CDKL1: variants seen among roughly 807,000 people sequenced by gnomAD.
The protein encoded by CDKL1 is cyclin-dependent kinase-like 1.
A neutral mutation model predicts 42.0 loss-of-function variants in CDKL1; 41 were observed. The observed-to-expected ratio is 0.98, with a 90% CI of 0.76 to 1.27. CDKL1 has a LOEUF of 1.27. CDKL1 is among the 50% of genes most tolerant of loss of function. The probability of loss-of-function intolerance (pLI) is 0.00; values close to 1 mark genes in which losing one functional copy is unlikely to be tolerated. For synonymous variants in CDKL1, 153 were observed against 158.6 expected (o/e 0.96, Z 0.26); for missense variants, 394 against 428.4 (o/e 0.92, Z 0.71).
intron 2 of CDKL1, among the ~76,000 whole-genome samples, chr14:50,391,540 G>A (rs907844681): frequency 6.6e-6 from 1 of 152,060 alleles, no homozygotes; most frequent in Non-Finnish European, 1.5e-5. Context: ...CTGACACCAC[G>A]CTTGCCTAGT....
rs1221295614 is a variant in CDKL1, at chr14:50,326,333, C to T, written c.*3741G>A. ...TCTCTTGATGTAGATATTTAGAATC[C>T]TTTAAAGTTATTTGTACAACAGATG... On this transcript the variant is annotated 3_prime_UTR_variant, in exon 10 of 10. Coordinates refer to ENST00000395834, the MANE Select transcript of CDKL1 (RefSeq NM_004196.7). 8 of 748,854 alleles carry T rather than the reference C, an allele frequency of 1.1e-5. No individual in the cohort carries two copies. The highest frequency in any genetic ancestry group is 1.1e-5 in the Non-Finnish European group (7 of 614,668). 46.4% of individuals were successfully genotyped at this position (748,854 alleles called of 1,614,324 possible).
upstream of CDKL1, chr14:50,397,148 G>A (rs769615998): frequency 5.1e-6 from 7 of 1,366,032 alleles, no homozygotes; most frequent in South Asian, 1.1e-5. Context: ...CCGCGTCTGC[G>A]GAGCAAGACG....
chr14:50,377,496 C>T, intron 2 of CDKL1: 1 of 977,756 alleles, frequency 1.0e-6, no homozygotes, highest in Non-Finnish European at 1.3e-6. Context: ...GTTCCTGTCT[C>T]AGACTTTACT....
chr14:50,332,465 C>G (rs745577248), intron 8 of CDKL1, 33 bp from the exon 9 acceptor site: 1 of 1,569,562 alleles, frequency 6.4e-7, no homozygotes, highest in African/African-American at 1.4e-5. Context: ...CTTCTTACTT[C>G]TTCAAAATTG....
intron 8 of CDKL1, chr14:50,333,722 G>A (rs956776856): frequency 1.2e-4 from 18 of 151,948 alleles, no homozygotes; most frequent in African/African-American, 3.9e-4. Context: ...TTTGGGGTCC[G>A]GATTGGGACC....
chr14:50,369,618 AC>A (rs2034533202), intron 2 of CDKL1, among the ~76,000 whole-genome samples: 10 of 150,076 alleles, frequency 6.7e-5, no homozygotes, highest in Admixed American at 5.3e-4. Flanking sequence ...GCACACACAC[AC>A]ACACACACAC....
Position 50,326,515 on chromosome 14 carries a change from A to G in CDKL1, c.*3559T>C, listed in dbSNP as rs2032709843. 1.0e-6 allele frequency: 1 copy of G among 985,326 alleles called. No individual in the cohort carries two copies. Among genetic ancestry groups the G allele is most frequent in the East Asian group, 1.1e-4 (1 of 8,824 alleles). The allele number at this position is 985,326 out of a possible 1,614,324, so 61.0% of individuals were successfully genotyped here. The stretch of plus-strand genomic sequence containing the variant: ...GGTTGTTGAAGCATGCATTGCTTCA[A>G]CAGGATTTGCGTGCATTTCCCATGA... On this transcript the variant is annotated 3_prime_UTR_variant, in exon 10 of 10. Coordinates refer to ENST00000395834, the MANE Select transcript of CDKL1 (RefSeq NM_004196.7).
chr14:50,397,146 G>A, upstream of CDKL1: 2 of 1,366,134 alleles, frequency 1.5e-6, no homozygotes, highest in Non-Finnish European at 2.0e-6. Context: ...AACCGCGTCT[G>A]CGGAGCAAGA....
At chr14:50,330,367 T>TAAAC in intron 9 of CDKL1, 186 bp from the exon 10 acceptor site, 1 of 620,436 alleles carries the variant, frequency 1.6e-6, no homozygotes, top group Non-Finnish European at 2.5e-6. Context: ...TAAATGTTTA[T>TAAAC]ATTAAAAAGG....
chr14:50,367,821 A>C (rs2034473976), intron 2 of CDKL1, among the ~76,000 whole-genome samples: 1 of 152,192 alleles, frequency 6.6e-6, no homozygotes, highest in Non-Finnish European at 1.5e-5. Flanking sequence ...CCTTCAGTTA[A>C]TGCTCTATCT....
chr14:50,332,900 C>A, intron 8 of CDKL1: 2 of 367,240 alleles, frequency 5.4e-6, no homozygotes, highest in East Asian at 4.3e-5. Context: ...CTAAAATCAG[C>A]TACTTTTTTT....
At chr14:50,334,925 T>C in intron 7 of CDKL1, 1 of 247,476 alleles carries the variant, frequency 4.0e-6, no homozygotes, top group South Asian at 8.1e-5. Context: ...GAGCAGTTTT[T>C]TTTTTGAGGG....
At chr14:50,380,125 C>A in intron 2 of CDKL1, 1 of 521,798 alleles carries the variant, frequency 1.9e-6, no homozygotes, top group Non-Finnish European at 3.9e-6. Context: ...GTTCTATGAC[C>A]TGTGAAGTAA....
At chr14:50,391,821 A>T (rs2035264993) in intron 2 of CDKL1, among the ~76,000 whole-genome samples, 1 of 152,218 alleles carries the variant, frequency 6.6e-6, no homozygotes, top group Admixed American at 6.5e-5. Context: ...CCATTAGCAT[A>T]CAAATGTACT....
At chr14:50,386,124 G>A (rs971550717) in intron 2 of CDKL1, among the ~76,000 whole-genome samples, 1 of 151,946 alleles carries the variant, frequency 6.6e-6, no homozygotes, top group African/African-American at 2.4e-5. Context: ...AAGAGAGAGA[G>A]AGAGGCAGAA....
intron 2 of CDKL1, chr14:50,378,341 A>G: frequency 7.3e-7 from 1 of 1,366,360 alleles, no homozygotes; most frequent in Non-Finnish European, 9.8e-7. Context: ...CTCTGCGAGG[A>G]AATAACTGCA....
chr14:50,336,042 C>G, intron 7 of CDKL1: 1 of 1,366,460 alleles, frequency 7.3e-7, no homozygotes, highest in Non-Finnish European at 9.8e-7. Context: ...TCGGTTGAAT[C>G]TGAGCATCAC....
intron 2 of CDKL1, chr14:50,390,166 CACTT>C (rs771799902): frequency 1.5e-6 from 2 of 1,366,338 alleles, no homozygotes; most frequent in Non-Finnish European, 2.0e-6. Flanking sequence ...CTCTTTGTCT[CACTT>C]GTTTTTCTTG....
At chr14:50,333,224 C>T (rs2033068216) in intron 8 of CDKL1, 1 of 151,944 alleles carries the variant, frequency 6.6e-6, no homozygotes, top group African/African-American at 2.4e-5. Flanking sequence ...GGAGGTTTGG[C>T]ATTGTTACTC....
Sources: allele counts gnomAD v4.1 joint callset (sites outside exome capture counted in the v4.1 genomes callset), GRCh38; gene constraint gnomAD v4.1.1; transcripts MANE v1.5; gene names NCBI Gene and HGNC (gene_info 2026-07-23, HGNC 2026-07-21).